The following NEXMIF variants were observed in gnomAD, a reference collection of about 807,000 sequenced individuals.
NEXMIF encodes neurite extension and migration factor.
A neutral mutation model predicts 62.1 loss-of-function variants in NEXMIF; 8 were observed. The ratio of observed to expected loss-of-function variants is 0.13; its 90% CI spans 0.08 to 0.23. The LOEUF (loss-of-function observed/expected upper bound fraction) is 0.23. Among genes scored for constraint, NEXMIF ranks in the 10% least tolerant of loss-of-function variants. The probability of loss-of-function intolerance (pLI) is 1.00; values close to 1 mark genes in which losing one functional copy is unlikely to be tolerated. For synonymous variants in NEXMIF, 404 were observed against 416.6 expected (o/e 0.97, Z 0.37); for missense variants, 976 against 1,113.3 (o/e 0.88, Z 1.75).
chrX:74,829,196 A>G (rs1354201550), intron 1 of NEXMIF, among the ~76,000 whole-genome samples: 3 of 112,180 alleles, frequency 2.7e-5, no homozygotes, highest in Non-Finnish European at 5.6e-5. Context: ...CCTTTGTGTT[A>G]CAAACAATCC....
Position 74,743,827 on chromosome X carries a change from A to T in NEXMIF, c.730T>A (p.Cys244Ser). ...SYYEALLLDK[C>S]NTEEALLANS... ...GCAAGCAAAGCTTCTTCTGTATTGC[A>T]CTTGTCTAACAGTAATGCCTCATAA... Residue 244 changes from cysteine to serine, a missense_variant, in exon 3 of 4, where the codon TGC (cysteine) becomes AGC (serine). Cys to Ser is a moderately radical substitution (Grantham distance 112, BLOSUM62 -1). Transcript: ENST00000055682. The T allele has an allele frequency of 8.3e-7, 1 of 1,211,555 alleles. No individual in the cohort carries two copies. The highest frequency in any genetic ancestry group is 1.1e-6 in the Non-Finnish European group (1 of 895,406).
At chrX:74,817,169 G>A (rs1309939523) in intron 1 of NEXMIF, among the ~76,000 whole-genome samples, 1 of 111,615 alleles carries the variant, frequency 9.0e-6, no homozygotes, top group Non-Finnish European at 1.9e-5. Context: ...ATTAGTATTG[G>A]AAATAGCAAG....
chrX:74,835,612 CACAA>C (rs1208433964), intron 1 of NEXMIF, among the ~76,000 whole-genome samples: 1 of 111,223 alleles, frequency 9.0e-6, no homozygotes, highest in Non-Finnish European at 1.9e-5. Flanking sequence ...CCTACTTTCT[CACAA>C]ACAGTCTCTG....
chrX:74,742,711 T>C lies in NEXMIF; in HGVS notation c.1846A>G (p.Ser616Gly), dbSNP rs769210959. 8.3e-7 allele frequency: 1 copy of C among 1,209,458 alleles called. No homozygotes were observed. The highest frequency in any genetic ancestry group is 1.7e-5 in the African/African-American group (1 of 57,236). ...FSQKQSFEPG[S>G]FEVSFLPPAR... ...GGTGGCAGAAATGACACCTCAAAGCTACCTGGTTCAAAGCTTTGCTTTTGG... is the reference window on the plus strand; with the variant it reads ...GGTGGCAGAAATGACACCTCAAAGCCACCTGGTTCAAAGCTTTGCTTTTGG... Residue 616 changes from serine to glycine, a missense_variant, in exon 3 of 4, where the codon AGC becomes GGC. Ser to Gly is a moderately conservative substitution (Grantham distance 56). Transcript: ENST00000055682.
chrX:74,875,879 C>T (rs1458145290), intron 1 of NEXMIF, among the ~76,000 whole-genome samples: 2 of 111,267 alleles, frequency 1.8e-5, no homozygotes, highest in African/African-American at 6.5e-5. Flanking sequence ...TTTGATTCTT[C>T]TCTCTTTTTT....
At chrX:74,810,773 T>C in intron 1 of NEXMIF, among the ~76,000 whole-genome samples, 1 of 111,720 alleles carries the variant, frequency 9.0e-6, no homozygotes, top group East Asian at 2.8e-4. Flanking sequence ...GAAGAATCAT[T>C]CTAAAGATCA....
chrX:74,815,221 C>T (rs1475889248), intron 1 of NEXMIF, among the ~76,000 whole-genome samples: 1 of 111,539 alleles, frequency 9.0e-6, no homozygotes, highest in Admixed American at 9.6e-5. Context: ...GAAATAAATC[C>T]TTTCAAGATC....
At position 74,881,443 on chromosome X, in the gene NEXMIF, A is replaced by C. The variant is rs1301346494; in HGVS notation, c.-48+43440T>G. 2.7e-5 allele frequency among the ~76,000 whole-genome samples: 3 copies of C among 110,009 alleles called. No individual in the cohort carries two copies. In the Admixed American group the frequency reaches 2.9e-4, roughly 11 times the overall value. ...ACACACAGAGCAAATACAGGGGAAA[A>C]AGGCAGAGACTAAATACAAATAATT... On this transcript the variant is annotated intron_variant, in intron 1 of 3. Transcript: ENST00000055682.
chrX:74,802,757 G>A (rs1204388894), intron 1 of NEXMIF, among the ~76,000 whole-genome samples: 2 of 111,196 alleles, frequency 1.8e-5, no homozygotes, highest in African/African-American at 6.5e-5. Flanking sequence ...GATATGTGAC[G>A]TTTCACACAG....
At chrX:74,762,926 T>C (rs377069355) in intron 1 of NEXMIF, among the ~76,000 whole-genome samples, 1 of 111,746 alleles carries the variant, frequency 8.9e-6, no homozygotes, top group East Asian at 2.8e-4. Flanking sequence ...TGCCTGTTCA[T>C]TCTGATGGTA....
At chrX:74,889,547 T>G (rs933303086) in intron 1 of NEXMIF, among the ~76,000 whole-genome samples, 1 of 111,469 alleles carries the variant, frequency 9.0e-6, no homozygotes, top group Admixed American at 9.6e-5. Flanking sequence ...ATAAAGAAAG[T>G]ATGAGTCACT....
In NEXMIF at chrX:74,837,203, T is replaced by C. The variant is rs186870981; in HGVS notation, c.-48+87680A>G. Among the ~76,000 whole-genome samples the C allele has an allele frequency of 3.4e-3, 382 of 111,805 alleles. 2 individuals are homozygous for C. The highest frequency in any genetic ancestry group is 0.012 in the African/African-American group (362 of 30,747). ...AGGGGTGGATCTGGTGATTCAAGAC[T>C]GTCTCTCTGACCCTCCTCAATACCT... On this transcript the variant is annotated intron_variant, in intron 1 of 3. Coordinates refer to ENST00000055682, the MANE Select transcript of NEXMIF (RefSeq NM_001008537.3).
chrX:74,883,941 G>A (rs1200833923), intron 1 of NEXMIF, among the ~76,000 whole-genome samples: 26 of 112,242 alleles, frequency 2.3e-4, no homozygotes, highest in South Asian at 3.7e-4. Context: ...GACTAACAGC[G>A]GATCTCTCTG....
chrX:74,862,920 C>A (rs1201946564), intron 1 of NEXMIF, among the ~76,000 whole-genome samples: 2 of 111,319 alleles, frequency 1.8e-5, no homozygotes, highest in African/African-American at 6.5e-5. Flanking sequence ...CCTGTAATCC[C>A]AGCAATTTGG....
At chrX:74,897,907 T>C (rs1249187924) in intron 1 of NEXMIF, among the ~76,000 whole-genome samples, 4 of 112,410 alleles carry the variant, frequency 3.6e-5, no homozygotes, top group Non-Finnish European at 5.6e-5. Flanking sequence ...AAAGCAGTAT[T>C]GGACTATAAT....
At chrX:74,835,070 T>C (rs1405926089) in intron 1 of NEXMIF, among the ~76,000 whole-genome samples, 7 of 112,248 alleles carry the variant, frequency 6.2e-5, no homozygotes, top group African/African-American at 1.9e-4. Context: ...TTGTGCTCGA[T>C]CAGTTCTGCT....
chrX:74,923,440 T>C (rs1446387581), intron 1 of NEXMIF, among the ~76,000 whole-genome samples: 1 of 112,431 alleles, frequency 8.9e-6, no homozygotes, highest in Non-Finnish European at 1.9e-5. Flanking sequence ...GATTAGCCGG[T>C]TTCCCAGTTA....
At chrX:74,818,997 C>A (rs754685139) in intron 1 of NEXMIF, among the ~76,000 whole-genome samples, 2 of 111,475 alleles carry the variant, frequency 1.8e-5, no homozygotes, top group Non-Finnish European at 3.8e-5. Flanking sequence ...TATAGACCAA[C>A]GGAACAGAAC....
At chrX:74,821,785 C>G (rs1364737160) in intron 1 of NEXMIF, among the ~76,000 whole-genome samples, 1 of 111,059 alleles carries the variant, frequency 9.0e-6, no homozygotes, top group African/African-American at 3.3e-5. Flanking sequence ...GCCGGAGCGC[C>G]GTGGCTCAAT....
Sources: gnomAD v4.1 joint callset for allele counts (sites outside exome capture counted in the v4.1 genomes callset) on GRCh38, gnomAD v4.1.1 for gene constraint, MANE v1.5 for transcripts, NCBI Gene and HGNC (gene_info 2026-07-23, HGNC 2026-07-21) for gene names.